RRM2: variants seen among roughly 807,000 people sequenced by gnomAD.
RRM2 encodes ribonucleotide reductase regulatory subunit M2.
Under a neutral mutation model 45.9 loss-of-function variants are expected in RRM2, and 6 were observed. That is an observed-to-expected ratio of 0.13 (90% confidence interval 0.07 to 0.26). RRM2 has a LOEUF of 0.26. Among genes scored for constraint, RRM2 ranks in the 10% least tolerant of loss-of-function variants. The pLI is 1.00. For missense variants in RRM2, 343 were observed against 489.5 expected, an observed-to-expected ratio of 0.70 and a Z score of 2.82; for synonymous variants, 177 against 173.0, an observed-to-expected ratio of 1.02 and a Z score of -0.18.
At chr2:10,162,208 G>GCACAGCCGAGCTGCCAGGC (rs1663576052) in intron 3 of RRM2, among the ~76,000 whole-genome samples, 1 of 152,208 alleles carries the variant, frequency 6.6e-6, no homozygotes, top group Non-Finnish European at 1.5e-5. Flanking sequence ...AGGAGACAGG[G>GCACAGCCGAGCTGCCAGGC]CACAGCCGAG....
chr2:10,135,326 C>T (rs549211767), downstream of RRM2, among the ~76,000 whole-genome samples: 1 of 152,248 alleles, frequency 6.6e-6, no homozygotes, highest in East Asian at 1.9e-4. Flanking sequence ...ACTCAAACAA[C>T]AAATGGAACT....
chr2:10,177,651 T>G (rs2125324395), intron 3 of RRM2, among the ~76,000 whole-genome samples: 1 of 150,232 alleles, frequency 6.7e-6, no homozygotes, highest in South Asian at 2.1e-4. Flanking sequence ...CCCTCCTGTT[T>G]GCTTCTTTCC....
Position 10,123,463 on chromosome 2 carries a change from C to T in RRM2, c.251C>T (p.Pro84Leu). 1.2e-6 allele frequency: 2 copies of T among 1,614,176 alleles called. No homozygotes were observed. The highest frequency in any genetic ancestry group is 2.2e-5 in the East Asian group (1 of 44,884). ...AACCCCCGCCGCTTTGTCATCTTCC[C>T]CATCGAGTACCATGATATCTGGCAG... ...RENPRRFVIFPIEYHDIWQMY... is the reference protein window; with the variant it reads ...RENPRRFVIFLIEYHDIWQMY... The change falls in exon 3 of 10, where the codon CCC becomes CTC. Residue 84 changes from proline (P) to leucine (L), a missense_variant. Around this residue, in one of 2 missense-constraint regions of RRM2, gnomAD observed 131 missense variants for 121.4 expected, o/e 1.08. Transcript: ENST00000304567.
rs1664750930 is a variant in RRM2, at chr2:10,210,928, C to T, written n.1100C>T. 2.3e-5 allele frequency: 5 copies of T among 215,812 alleles called. No individual in the cohort carries two copies. In the South Asian group the frequency reaches 3.5e-4, roughly 15 times the overall value. 13.4% of individuals were successfully genotyped at this position (215,812 alleles called of 1,614,324 possible). On this transcript the variant is annotated non_coding_transcript_exon_variant, in exon 4 of 4. Coordinates refer to the RRM2 transcript ENST00000381786. ...AGCCAAGAAGAGAGGCCTCACCAGA[C>T]ACCAAACCTGCCGGCACCTTGCTGT...
chr2:10,174,445 G>C (rs532469795), intron 3 of RRM2, among the ~76,000 whole-genome samples: 1 of 152,258 alleles, frequency 6.6e-6, no homozygotes, highest in East Asian at 1.9e-4. Flanking sequence ...TCCCAGCTCT[G>C]TGTCCCCCGC....
intron 3 of RRM2, among the ~76,000 whole-genome samples, chr2:10,160,396 C>T (rs1663530821): frequency 6.6e-6 from 1 of 152,188 alleles, no homozygotes; most frequent in African/African-American, 2.4e-5. Flanking sequence ...GTGGAGACTC[C>T]AGGAAACCCA....
intron 3 of RRM2, among the ~76,000 whole-genome samples, chr2:10,198,368 A>G (rs1377670218): frequency 6.7e-6 from 1 of 150,190 alleles, no homozygotes; most frequent in Non-Finnish European, 1.5e-5. Flanking sequence ...GAGCTGGGAG[A>G]CCCTGCTGCC....
intron 3 of RRM2, among the ~76,000 whole-genome samples, chr2:10,194,538 G>A (rs1419404954): frequency 2.6e-5 from 4 of 152,226 alleles, no homozygotes; most frequent in Admixed American, 6.5e-5. Flanking sequence ...CTGGGCTAAC[G>A]GTGCACTTCT....
intron 3 of RRM2, among the ~76,000 whole-genome samples, chr2:10,146,336 A>T (rs1349786136): frequency 6.6e-6 from 1 of 152,222 alleles, no homozygotes; most frequent in Non-Finnish European, 1.5e-5. Flanking sequence ...ATGTGGAAAG[A>T]CACGAACTGA....
rs558378427 is a variant in RRM2 at position 10,172,379 on chromosome 2, G to A, written n.482+30004G>A. 1.3e-5 allele frequency among the ~76,000 whole-genome samples: 2 copies of A among 152,138 alleles called. No homozygotes were observed. Among genetic ancestry groups the A allele is most frequent in the African/African-American group, 2.4e-5 (1 of 41,516 alleles). The stretch of plus-strand genomic sequence containing the variant: ...GCTCCGGAGGGACCAGGGGAGGGGC[G>A]GACGGAGGACACTGCTTCTGCAGCG... On this transcript the variant is annotated intron_variant and non_coding_transcript_variant, in intron 3 of 3. Transcript: ENST00000381786. The surrounding 1 kb of genome is among the most constrained non-coding windows in gnomAD (Gnocchi z 4.9).
At chr2:10,133,131 G>A (rs909523966), downstream of RRM2, among the ~76,000 whole-genome samples, 4 of 152,206 alleles carry the variant, frequency 2.6e-5, no homozygotes, top group African/African-American at 9.6e-5. Context: ...CGTCAGTCCT[G>A]GGTGTGAATT....
In RRM2 at chr2:10,205,971, G is replaced by A. The variant is rs989581831; in HGVS notation, n.483-4340G>A. 1.3e-5 allele frequency among the ~76,000 whole-genome samples: 2 copies of A among 152,140 alleles called. No individual in the cohort carries two copies. Among genetic ancestry groups the A allele is most frequent in the Non-Finnish European group, 2.9e-5 (2 of 68,024 alleles). Reference sequence around the variant, plus strand: ...GCTTCCCAAAGTTCTGGGATTACAGGCATGAGCCACTGCGCCTGGCCAAGA... The same window carrying A: ...GCTTCCCAAAGTTCTGGGATTACAGACATGAGCCACTGCGCCTGGCCAAGA... On this transcript the variant is annotated intron_variant and non_coding_transcript_variant, in intron 3 of 3. Transcript: ENST00000381786. This position sits in a 1 kb window ranked among gnomAD's most constrained non-coding sequence, Gnocchi z 4.8.
intron 7 of RRM2, 113 bp from the exon 8 acceptor site, chr2:10,128,735 G>T: frequency 1.3e-6 from 1 of 759,318 alleles, no homozygotes. Flanking sequence ...AGTGCTCTCA[G>T]TATGGCTGAG....
Position 10,126,889 on chromosome 2 carries a change from A to G in RRM2, c.584A>G (p.Asn195Ser). The change falls in exon 6 of 10, where the codon AAT becomes AGT. Residue 195 changes from asparagine to serine, a missense_variant. Asn to Ser is a conservative substitution (Grantham distance 46). This residue lies in a region of RRM2 where 212 missense variants were observed against 368.1 expected (regional missense o/e 0.58). Coordinates refer to ENST00000304567, the MANE Select transcript of RRM2 (RefSeq NM_001034.4). ...KDPKEREFLFNAIETMPCVKK... is the reference protein window; with the variant it reads ...KDPKEREFLFSAIETMPCVKK... Reference sequence around the variant, plus strand: ...GTGCCTACTAGGGAATTTCTCTTCAATGCCATTGAAACGATGCCTTGTGTC... The same window carrying G: ...GTGCCTACTAGGGAATTTCTCTTCAGTGCCATTGAAACGATGCCTTGTGTC... 4 of 1,613,850 alleles carry G rather than the reference A, an allele frequency of 2.5e-6. No homozygotes were observed. The highest frequency in any genetic ancestry group is 1.7e-5 in the Admixed American group (1 of 59,922).
intron 3 of RRM2, among the ~76,000 whole-genome samples, chr2:10,182,260 C>T (rs1664075241): frequency 6.6e-6 from 1 of 151,966 alleles, no homozygotes; most frequent in Admixed American, 6.6e-5. Flanking sequence ...ATTGCTTAAA[C>T]CCGGGAGGCG....
intron 3 of RRM2, among the ~76,000 whole-genome samples, chr2:10,161,169 C>T (rs901906545): frequency 6.6e-6 from 1 of 152,144 alleles, no homozygotes; most frequent in African/African-American, 2.4e-5. Context: ...GCAATCCTCC[C>T]ACCTCAGCCT....
At chr2:10,209,389 G>A (rs1041307382) in intron 3 of RRM2, among the ~76,000 whole-genome samples, 1 of 152,050 alleles carries the variant, frequency 6.6e-6, no homozygotes, top group African/African-American at 2.4e-5. Context: ...CAAAGCCGGG[G>A]GTGCTGCTCC....
intron 3 of RRM2, among the ~76,000 whole-genome samples, chr2:10,175,447 G>A (rs770360507): frequency 6.6e-6 from 1 of 152,106 alleles, no homozygotes; most frequent in Non-Finnish European, 1.5e-5. Context: ...CATTCATAAT[G>A]TTGTATAACC....
chr2:10,130,626 C>CTGT lies in RRM2; in HGVS notation c.*1240_*1241insTGT, dbSNP rs1662878426. ...TTCAAATATTAATTTCAGAATGAAA[C>CTGT]ATAATTTTTTTTTTTTTTTTTGAGA... On this transcript the variant is annotated 3_prime_UTR_variant, in exon 10 of 10. Coordinates refer to ENST00000304567, the MANE Select transcript of RRM2 (RefSeq NM_001034.4). 1 of 146,004 alleles carries CTGT rather than the reference C, an allele frequency of 6.8e-6. No homozygotes were observed. The highest frequency in any genetic ancestry group is 1.5e-5 in the Non-Finnish European group (1 of 66,944). 9.0% of individuals were successfully genotyped at this position (146,004 alleles called of 1,614,324 possible). A position where few individuals can be genotyped will look rare whatever the true frequency, so the allele number is the denominator to read the frequency against.
Sources: gnomAD v4.1 joint callset for allele counts (sites outside exome capture counted in the v4.1 genomes callset) on GRCh38, gnomAD v4.1.1 for gene constraint, gnomAD v4.1.1 regional missense constraint, Gnocchi (gnomAD v3.1) non-coding constraint, MANE v1.5 for transcripts, NCBI Gene and HGNC (gene_info 2026-07-23, HGNC 2026-07-21) for gene names.